The following STAG1 variants were observed in gnomAD, a reference collection of about 807,000 sequenced individuals.
The protein encoded by STAG1 is cohesin subunit SA-1.
Under a neutral mutation model 170.9 loss-of-function variants are expected in STAG1, and 26 were observed. That is an observed-to-expected ratio of 0.15 (90% confidence interval 0.11 to 0.21). The LOEUF (loss-of-function observed/expected upper bound fraction) is 0.21. STAG1 is among the 10% of genes least tolerant of loss of function. The probability of loss-of-function intolerance (pLI) is 1.00; values close to 1 mark genes in which losing one functional copy is unlikely to be tolerated. For missense variants in STAG1, 964 were observed against 1,509.5 expected, an observed-to-expected ratio of 0.64 and a Z score of 5.99; for synonymous variants, 514 against 497.7, an observed-to-expected ratio of 1.03 and a Z score of -0.44.
intron 12 of STAG1, among the ~76,000 whole-genome samples, chr3:136,468,901 A>G (rs868118813): frequency 2.6e-5 from 4 of 152,228 alleles, no homozygotes; most frequent in Middle Eastern, 3.2e-3. Flanking sequence ...GATTATCTCA[A>G]TACATGCAGA....
intron 4 of STAG1, among the ~76,000 whole-genome samples, chr3:136,581,650 C>G (rs1937592310): frequency 6.6e-6 from 1 of 151,936 alleles, no homozygotes; most frequent in Non-Finnish European, 1.5e-5. Context: ...TATTTTTGGA[C>G]CCAGCAGCCC....
chr3:136,657,508 A>G (rs1168686746), intron 1 of STAG1, among the ~76,000 whole-genome samples: 1 of 152,084 alleles, frequency 6.6e-6, no homozygotes, highest in Non-Finnish European at 1.5e-5. Context: ...CAGTTCATAT[A>G]TACTCACATG....
intron 9 of STAG1, among the ~76,000 whole-genome samples, chr3:136,477,715 T>C (rs1216620782): frequency 6.6e-6 from 1 of 152,164 alleles, no homozygotes; most frequent in African/African-American, 2.4e-5. Flanking sequence ...CCAAGAAACA[T>C]GTTAAACTTT....
At chr3:136,585,612 A>AATT (rs1390691538) in intron 4 of STAG1, among the ~76,000 whole-genome samples, 10 of 151,600 alleles carry the variant, frequency 6.6e-5, no homozygotes, top group African/African-American at 2.4e-4. Context: ...TAATAATAAT[A>AATT]ATAATAAAAA....
At chr3:136,666,892 A>T (rs1429252816) in intron 1 of STAG1, among the ~76,000 whole-genome samples, 1 of 152,110 alleles carries the variant, frequency 6.6e-6, no homozygotes, top group Admixed American at 6.6e-5. Context: ...TCTTAAATGA[A>T]GAAGACAATA....
chr3:136,473,664 C>A (rs1559825699), intron 10 of STAG1, 27 bp from the exon 11 acceptor site: 38 of 1,544,114 alleles, frequency 2.5e-5, no homozygotes, highest in Non-Finnish European at 3.4e-5. Flanking sequence ...AAAAGCACAA[C>A]AGAAGGAGTC....
chr3:136,599,000 C>T (rs1254902435), intron 4 of STAG1, among the ~76,000 whole-genome samples: 1 of 152,130 alleles, frequency 6.6e-6, no homozygotes, highest in Non-Finnish European at 1.5e-5. Flanking sequence ...AAAATTATCT[C>T]TTCAAAAATT....
intron 1 of STAG1, among the ~76,000 whole-genome samples, chr3:136,637,878 T>A (rs1008108307): frequency 7.2e-5 from 11 of 152,010 alleles, no homozygotes; most frequent in Non-Finnish European, 1.5e-4. Flanking sequence ...ACACATTTTT[T>A]TTTTTTTTTT....
At chr3:136,669,326 TG>T (rs1309827648) in intron 1 of STAG1, among the ~76,000 whole-genome samples, 4 of 152,136 alleles carry the variant, frequency 2.6e-5, no homozygotes, top group Non-Finnish European at 5.9e-5. Context: ...TGTTGTTTTT[TG>T]TTGTTGTTTT....
chr3:136,661,330 C>T (rs944816414), intron 1 of STAG1, among the ~76,000 whole-genome samples: 1 of 152,142 alleles, frequency 6.6e-6, no homozygotes, highest in Non-Finnish European at 1.5e-5. Flanking sequence ...TTGAACATTC[C>T]TAACCCAAAA....
At chr3:136,663,795 A>AT (rs1941660839) in intron 1 of STAG1, among the ~76,000 whole-genome samples, 2 of 152,208 alleles carry the variant, frequency 1.3e-5, no homozygotes, top group African/African-American at 2.4e-5. Context: ...AATCATAAAC[A>AT]TATGGAAGGA....
intron 3 of STAG1, among the ~76,000 whole-genome samples, chr3:136,610,222 A>C (rs1162729251): frequency 6.6e-6 from 1 of 152,044 alleles, no homozygotes; most frequent in African/African-American, 2.4e-5. Context: ...TTCTTAGTAG[A>C]GATGGGATTT....
intron 1 of STAG1, among the ~76,000 whole-genome samples, chr3:136,666,288 C>CA (rs1312743774): frequency 6.6e-6 from 1 of 151,864 alleles, no homozygotes; most frequent in Non-Finnish European, 1.5e-5. Flanking sequence ...ACAGCGCTGC[C>CA]AACACCTCGA....
At chr3:136,348,410 C>G (rs1936314050) in intron 29 of STAG1, among the ~76,000 whole-genome samples, 1 of 151,826 alleles carries the variant, frequency 6.6e-6, no homozygotes, top group South Asian at 2.1e-4. Context: ...CCATTACTGC[C>G]TTTTTAAAAA....
intron 1 of STAG1, among the ~76,000 whole-genome samples, chr3:136,747,105 A>T (rs1412808017): frequency 2.0e-5 from 2 of 100,176 alleles, no homozygotes; most frequent in African/African-American, 6.5e-5. Context: ...AAAAAAAAAA[A>T]AAAAAAAAAA....
intron 3 of STAG1, among the ~76,000 whole-genome samples, chr3:136,622,291 C>T (rs1263386729): frequency 1.3e-5 from 2 of 151,978 alleles, no homozygotes; most frequent in Non-Finnish European, 2.9e-5. Context: ...TGCACTCCAG[C>T]CTGGGCAACA....
intron 16 of STAG1, among the ~76,000 whole-genome samples, chr3:136,424,949 C>G (rs2088072128): frequency 6.6e-6 from 1 of 152,266 alleles, no homozygotes; most frequent in Non-Finnish European, 1.5e-5. Context: ...AAGAGATTCT[C>G]CTGCCTCAGC....
chr3:136,650,966 C>T (rs1252276884), intron 1 of STAG1, among the ~76,000 whole-genome samples: 1 of 150,832 alleles, frequency 6.6e-6, no homozygotes, highest in Non-Finnish European at 1.5e-5. Flanking sequence ...GAGAAAAGCA[C>T]TCCCCACAGG....
intron 9 of STAG1, among the ~76,000 whole-genome samples, chr3:136,497,911 G>A (rs1376573698): frequency 6.7e-6 from 1 of 149,864 alleles, no homozygotes; most frequent in East Asian, 2.0e-4. Context: ...ATTACAGCTA[G>A]GCCGGGCCTG....
Sources: gnomAD v4.1 joint callset for allele counts (sites outside exome capture counted in the v4.1 genomes callset) on GRCh38, gnomAD v4.1.1 for gene constraint, MANE v1.5 for transcripts, NCBI Gene and HGNC (gene_info 2026-07-23, HGNC 2026-07-21) for gene names.